The following NTRK2 variants were observed in gnomAD, a reference collection of about 807,000 sequenced individuals.
The protein encoded by NTRK2 is neurotrophic receptor tyrosine kinase 2, also known as BDNF/NT-3 growth factors receptor.
A neutral mutation model predicts 94.5 loss-of-function variants in NTRK2; 13 were observed. That is an observed-to-expected ratio of 0.14 (90% CI 0.09 to 0.22). The LOEUF is 0.22. Among genes scored for constraint, NTRK2 ranks in the 10% least tolerant of loss-of-function variants. The pLI, the probability that NTRK2 is intolerant of heterozygous loss-of-function variation, is 1.00. For synonymous variants in NTRK2, 372 were observed against 407.4 expected, an observed-to-expected ratio of 0.91 and a Z score of 1.05; for missense variants, 639 against 1,071.2, an observed-to-expected ratio of 0.60 and a Z score of 5.63.
intron 6 of NTRK2, among the ~76,000 whole-genome samples, chr9:84,722,041 C>T (rs1341103475): frequency 6.6e-6 from 1 of 151,910 alleles, no homozygotes; most frequent in Non-Finnish European, 1.5e-5. Context: ...AGAAAAACAA[C>T]AGACTCATCT....
intron 5 of NTRK2, 61 bp downstream of exon 5, chr9:84,707,973 AT>A: frequency 7.2e-7 from 1 of 1,383,468 alleles, no homozygotes; most frequent in Non-Finnish European, 1.0e-6. Context: ...GTAATTAAGT[AT>A]TTTTCTTTTA....
intron 17 of NTRK2, among the ~76,000 whole-genome samples, chr9:85,016,811 G>A (rs980259824): frequency 6.6e-6 from 1 of 152,108 alleles, no homozygotes; most frequent in Admixed American, 6.6e-5. Context: ...TCACCCATTT[G>A]ACATCTGAAC....
At chr9:84,708,564 A>G (rs1042934540) in intron 5 of NTRK2, among the ~76,000 whole-genome samples, 3 of 152,238 alleles carry the variant, frequency 2.0e-5, no homozygotes, top group African/African-American at 7.2e-5. Context: ...CATTAAACAA[A>G]TATGAACTGT....
intron 17 of NTRK2, among the ~76,000 whole-genome samples, chr9:84,996,665 T>G: frequency 6.6e-6 from 1 of 152,236 alleles, no homozygotes; most frequent in South Asian, 2.1e-4. Flanking sequence ...GAGTACTCTA[T>G]TCTAGGTCTG....
chr9:84,927,803 G>A (rs1243248205), intron 14 of NTRK2, among the ~76,000 whole-genome samples: 1 of 151,910 alleles, frequency 6.6e-6, no homozygotes, highest in East Asian at 1.9e-4. Context: ...ACATTCTCTG[G>A]CCCATAATAA....
At chr9:84,696,316 TTAAATAAA>T (rs1447764153) in intron 2 of NTRK2, among the ~76,000 whole-genome samples, 1 of 152,254 alleles carries the variant, frequency 6.6e-6, no homozygotes. Context: ...TTTTTATCAC[TTAAATAAA>T]TAAGTAAATA....
At chr9:84,803,860 A>T (rs11140764) in intron 12 of NTRK2, among the ~76,000 whole-genome samples, 10 of 152,254 alleles carry the variant, frequency 6.6e-5, no homozygotes, top group African/African-American at 2.4e-4. Context: ...CTCTTAGCTA[A>T]TTTAAATGGA....
At chr9:84,886,717 A>G (rs1342752590) in intron 14 of NTRK2, among the ~76,000 whole-genome samples, 1 of 152,082 alleles carries the variant, frequency 6.6e-6, no homozygotes, top group Non-Finnish European at 1.5e-5. Flanking sequence ...CTTTATGTCA[A>G]CACTTTCTCC....
At chr9:84,783,630 G>T (rs1247665405) in intron 12 of NTRK2, among the ~76,000 whole-genome samples, 1 of 152,174 alleles carries the variant, frequency 6.6e-6, no homozygotes, top group African/African-American at 2.4e-5. Context: ...GAGGCTTTGG[G>T]ATTTGCAGAG....
intron 14 of NTRK2, among the ~76,000 whole-genome samples, chr9:84,883,327 T>A (rs1587817531): frequency 6.6e-6 from 1 of 151,940 alleles, no homozygotes; most frequent in South Asian, 2.1e-4. Context: ...TGCTGGTAAG[T>A]TTTTTTCCTA....
At chr9:84,872,584 G>A in intron 14 of NTRK2, 1 of 1,064,092 alleles carries the variant, frequency 9.4e-7, no homozygotes, top group South Asian at 4.6e-5. Flanking sequence ...CTGTGGCAGA[G>A]GCATGTAAAG....
At chr9:84,886,351 C>T (rs936527367) in intron 14 of NTRK2, among the ~76,000 whole-genome samples, 9 of 152,208 alleles carry the variant, frequency 5.9e-5, no homozygotes, top group Admixed American at 3.3e-4. Flanking sequence ...GAAGAAGCTT[C>T]GAAAGCTTTT....
chr9:84,854,509 C>T (rs2074961036), intron 12 of NTRK2, among the ~76,000 whole-genome samples: 1 of 151,918 alleles, frequency 6.6e-6, no homozygotes, highest in South Asian at 2.1e-4. Flanking sequence ...TAAAAAAGGT[C>T]ACATATGGGT....
intron 2 of NTRK2, among the ~76,000 whole-genome samples, chr9:84,677,930 T>G (rs939372026): frequency 1.3e-5 from 2 of 152,324 alleles, no homozygotes; most frequent in Non-Finnish European, 2.9e-5. Flanking sequence ...AATAAAACTG[T>G]TAATAATCAC....
intron 12 of NTRK2, among the ~76,000 whole-genome samples, chr9:84,773,852 T>C (rs1286444512): frequency 6.6e-6 from 1 of 152,210 alleles, no homozygotes; most frequent in African/African-American, 2.4e-5. Context: ...GGTTTTGTGC[T>C]AAGTGCTTTA....
intron 12 of NTRK2, among the ~76,000 whole-genome samples, chr9:84,758,189 T>C (rs1468926765): frequency 7.4e-6 from 1 of 135,100 alleles, no homozygotes; most frequent in Non-Finnish European, 1.7e-5. Context: ...GTCTTTTGAC[T>C]TTTTGATAGT....
intron 12 of NTRK2, chr9:84,815,161 C>T (rs181758025): frequency 2.8e-6 from 3 of 1,057,452 alleles, no homozygotes; most frequent in African/African-American, 1.7e-5. Flanking sequence ...AAAAGAACGT[C>T]CCAGCCACCT....
intron 10 of NTRK2, 104 bp downstream of exon 10, chr9:84,742,031 C>T: frequency 2.8e-6 from 3 of 1,058,020 alleles, no homozygotes; most frequent in Non-Finnish European, 4.2e-6. Flanking sequence ...TAAATTTACA[C>T]TTTAAGCATT....
rs1035358461 is a variant in NTRK2, at chr9:85,022,398, T to C, written c.*961T>C. The C allele has an allele frequency of 1.7e-5, 4 of 233,104 alleles. No homozygotes were observed. The highest frequency in any genetic ancestry group is 8.8e-5 in the African/African-American group (4 of 45,336). 14.4% of individuals were successfully genotyped at this position (233,104 alleles called of 1,614,324 possible). ...CGTAGGTTGTGATGATAGCACTGGTTTGTTTCTCAAGCGCTATCCACAGAA... is the reference window on the plus strand; with the variant it reads ...CGTAGGTTGTGATGATAGCACTGGTCTGTTTCTCAAGCGCTATCCACAGAA... On this transcript the variant is annotated 3_prime_UTR_variant, in exon 19 of 19. Coordinates refer to ENST00000277120, the MANE Select transcript of NTRK2 (RefSeq NM_006180.6).
Sources: allele counts gnomAD v4.1 joint callset (sites outside exome capture counted in the v4.1 genomes callset), GRCh38; gene constraint gnomAD v4.1.1; transcripts MANE v1.5; gene names NCBI Gene and HGNC (gene_info 2026-07-23, HGNC 2026-07-21).